The following FTO variants were observed in gnomAD, a reference collection of about 807,000 sequenced individuals.
FTO encodes FTO alpha-ketoglutarate dependent dioxygenase.
A neutral mutation model predicts 63.9 loss-of-function variants in FTO; 47 were observed. The ratio of observed to expected loss-of-function variants is 0.74; its 90% CI spans 0.58 to 0.94. The LOEUF is 0.94. FTO is among the 40% of genes least tolerant of loss of function. The probability of loss-of-function intolerance (pLI) is 0.00; values close to 1 mark genes in which losing one functional copy is unlikely to be tolerated. For synonymous variants in FTO, 207 were observed against 224.4 expected (o/e 0.92, Z 0.69); for missense variants, 562 against 618.1 (o/e 0.91, Z 0.96).
intron 8 of FTO, among the ~76,000 whole-genome samples, chr16:54,077,675 A>T (rs2086036327): frequency 1.3e-5 from 2 of 152,216 alleles, no homozygotes; most frequent in South Asian, 4.1e-4. Flanking sequence ...GCAAGTGTTC[A>T]TGTTCAGAGA....
At chr16:53,857,998 G>A (rs947552811) in intron 4 of FTO, among the ~76,000 whole-genome samples, 3 of 142,706 alleles carry the variant, frequency 2.1e-5, no homozygotes, top group Non-Finnish European at 3.1e-5. Context: ...AAAGTATCAG[G>A]GAAAAAAGAT....
chr16:53,910,321 G>C (rs190619917), intron 7 of FTO, among the ~76,000 whole-genome samples: 1 of 152,242 alleles, frequency 6.6e-6, no homozygotes, highest in Admixed American at 6.5e-5. Flanking sequence ...TTGTTCTGGA[G>C]ACAGTGGTTG....
chr16:53,839,426 A>G (rs755375367), intron 3 of FTO, among the ~76,000 whole-genome samples: 1 of 152,212 alleles, frequency 6.6e-6, no homozygotes, highest in Non-Finnish European at 1.5e-5. Flanking sequence ...ATATTTAACA[A>G]TAAAAAGTTT....
intron 1 of FTO, among the ~76,000 whole-genome samples, chr16:53,743,673 C>T (rs150232423): frequency 2.1e-4 from 31 of 151,112 alleles, no homozygotes; most frequent in East Asian, 1.4e-3. Flanking sequence ...TGTGTTACTA[C>T]GCAGATAATG....
chr16:53,758,909 TAA>T (rs11354436), intron 1 of FTO, among the ~76,000 whole-genome samples: 1 of 151,820 alleles, frequency 6.6e-6, no homozygotes, highest in African/African-American at 2.4e-5. Context: ...CTTATACATT[TAA>T]AAAAAAGTTG....
intron 7 of FTO, among the ~76,000 whole-genome samples, chr16:53,914,981 A>G (rs2081825267): frequency 6.6e-6 from 1 of 152,174 alleles, no homozygotes; most frequent in African/African-American, 2.4e-5. Context: ...GTCTACAGGG[A>G]GAATGGGGGC....
At chr16:53,902,301 G>A (rs2081423127) in intron 7 of FTO, among the ~76,000 whole-genome samples, 1 of 152,162 alleles carries the variant, frequency 6.6e-6, no homozygotes, top group East Asian at 1.9e-4. Flanking sequence ...GGACCTGAGA[G>A]GTGATCATCT....
At chr16:54,026,542 C>T (rs1183523711) in intron 8 of FTO, among the ~76,000 whole-genome samples, 7 of 152,150 alleles carry the variant, frequency 4.6e-5, no homozygotes, top group Admixed American at 4.6e-4. Flanking sequence ...CATTGCTGCT[C>T]TCAACAAAAT....
chr16:54,103,382 T>C (rs1399086932), intron 8 of FTO, among the ~76,000 whole-genome samples: 2 of 152,092 alleles, frequency 1.3e-5, no homozygotes, highest in Non-Finnish European at 2.9e-5. Context: ...CAAGTGGTCA[T>C]GGTTGAAGAA....
intron 7 of FTO, among the ~76,000 whole-genome samples, chr16:53,893,012 A>G (rs1258058834): frequency 6.6e-6 from 1 of 152,180 alleles, no homozygotes; most frequent in Non-Finnish European, 1.5e-5. Flanking sequence ...CACCATTTTT[A>G]TCACACTGTT....
rs1347107697 is a variant in FTO at position 54,121,901 on chromosome 16, C to CTG, written c.*9987_*9988insGT. Reference sequence around the variant, plus strand: ...TGTACCTCATAAATATATACGCCTCCTATGTACCCACAAAAATTAAAAATA... The same window carrying CTG: ...TGTACCTCATAAATATATACGCCTCCTGTATGTACCCACAAAAATTAAAAATA... On this transcript the variant is annotated 3_prime_UTR_variant, in exon 9 of 9. Transcript: ENST00000471389. 1 of 152,086 alleles carries CTG rather than the reference C, an allele frequency of 6.6e-6. No homozygotes were observed. Among genetic ancestry groups the CTG allele is most frequent in the Admixed American group, 6.5e-5 (1 of 15,268 alleles). 9.4% of individuals were successfully genotyped at this position (152,086 alleles called of 1,614,324 possible).
At chr16:53,793,524 G>A (rs1712344747) in intron 1 of FTO, among the ~76,000 whole-genome samples, 1 of 152,184 alleles carries the variant, frequency 6.6e-6, no homozygotes, top group South Asian at 2.1e-4. Context: ...TAACTTTGTA[G>A]GATATTTGGA....
intron 7 of FTO, among the ~76,000 whole-genome samples, chr16:53,897,146 T>C (rs1397991602): frequency 6.6e-6 from 1 of 152,196 alleles, no homozygotes. Context: ...TTGTAGATGA[T>C]ATTTTTAATA....
chr16:53,763,938 C>T (rs1279697193), intron 1 of FTO, among the ~76,000 whole-genome samples: 6 of 152,136 alleles, frequency 3.9e-5, no homozygotes, highest in Admixed American at 1.3e-4. Context: ...TGGAAAGAAT[C>T]GGGATTTTTG....
Position 53,888,839 on chromosome 16 carries a change from T to A in FTO, c.1127T>A (p.Phe376Tyr). 1.2e-6 allele frequency: 2 copies of A among 1,613,996 alleles called. No homozygotes were observed. Among genetic ancestry groups the A allele is most frequent in the Non-Finnish European group, 1.7e-6 (2 of 1,179,912 alleles). Residue 376 changes from phenylalanine (F) to tyrosine (Y), a missense_variant, in exon 7 of 9, where the codon TTT becomes TAT. Coordinates refer to ENST00000471389, the MANE Select transcript of FTO (RefSeq NM_001080432.3). ...TCTCTTTATGGTCCACAGGTCGAGTTTGAGTGGCTGAGGCAGTTTTGGTTT... is the reference window on the plus strand; with the variant it reads ...TCTCTTTATGGTCCACAGGTCGAGTATGAGTGGCTGAGGCAGTTTTGGTTT... ...QGEEIHNEVE[F>Y]EWLRQFWFQG...
chr16:53,868,020 G>T (rs2080380716), intron 4 of FTO, among the ~76,000 whole-genome samples: 1 of 152,072 alleles, frequency 6.6e-6, no homozygotes. Context: ...GCTTTCTTTA[G>T]ATTAATGTTA....
intron 1 of FTO, among the ~76,000 whole-genome samples, chr16:53,798,083 C>T (rs891722994): frequency 3.9e-5 from 6 of 151,954 alleles, no homozygotes; most frequent in Non-Finnish European, 7.4e-5. Context: ...TCTTCTTTCT[C>T]CATTTGAATC....
intron 1 of FTO, among the ~76,000 whole-genome samples, chr16:53,772,269 A>T (rs1010730895): frequency 5.3e-5 from 8 of 151,934 alleles, no homozygotes; most frequent in African/African-American, 1.7e-4. Flanking sequence ...TAACAGGGCA[A>T]GTGCTTCCTG....
At chr16:54,021,445 A>G (rs2084597166) in intron 8 of FTO, among the ~76,000 whole-genome samples, 1 of 151,828 alleles carries the variant, frequency 6.6e-6, no homozygotes, top group Non-Finnish European at 1.5e-5. Flanking sequence ...CCATTAGATT[A>G]CATGGCCTTT....
Sources: gnomAD v4.1 joint callset for allele counts (sites outside exome capture counted in the v4.1 genomes callset) on GRCh38, gnomAD v4.1.1 for gene constraint, MANE v1.5 for transcripts, NCBI Gene and HGNC (gene_info 2026-07-23, HGNC 2026-07-21) for gene names.